Variants in STK10 observed in about 807,000 individuals in gnomAD.
STK10 encodes the protein serine/threonine kinase 10, also known as serine/threonine-protein kinase 10.
Under a neutral mutation model 113.8 loss-of-function variants are expected in STK10, and 78 were observed. The ratio of observed to expected loss-of-function variants is 0.69; its 90% CI spans 0.57 to 0.83. The LOEUF is 0.83. Ranked by LOEUF, STK10 falls within the 40% of genes least tolerant of loss-of-function variation. The pLI, the probability that STK10 is intolerant of heterozygous loss-of-function variation, is 0.00. For synonymous variants in STK10, 465 were observed against 494.7 expected, an observed-to-expected ratio of 0.94 and a Z score of 0.80; for missense variants, 1,109 against 1,280.1, an observed-to-expected ratio of 0.87 and a Z score of 2.04.
chr5:172,101,228 TG>T lies in STK10; in HGVS notation c.870+4427del, dbSNP rs1768982478. 4.6e-5 allele frequency among the ~76,000 whole-genome samples: 7 copies of T among 152,274 alleles called. No homozygotes were observed. The East Asian group carries it at 5.8e-4, about 13-fold the overall frequency. The stretch of plus-strand genomic sequence containing the variant: ...GCTCACGCCTGTAATCCCAGCACTT[TG>T]GGAGGCTGAGGCAAGCAGATCTCCC... On this transcript the variant is annotated intron_variant, in intron 7 of 18. Coordinates refer to ENST00000176763, the MANE Select transcript of STK10 (RefSeq NM_005990.4).
intron 1 of STK10, among the ~76,000 whole-genome samples, chr5:172,169,145 T>G (rs1770621355): frequency 6.6e-6 from 1 of 152,114 alleles, no homozygotes; most frequent in Admixed American, 6.6e-5. Context: ...TCATGACATC[T>G]TCCCCAGAAC....
At chr5:172,146,186 A>G (rs370510070) in intron 2 of STK10, among the ~76,000 whole-genome samples, 32 of 152,164 alleles carry the variant, frequency 2.1e-4, no homozygotes, top group African/African-American at 7.5e-4. Context: ...TCTGTGCCCC[A>G]GCACCTAAAC....
chr5:172,061,256 C>G lies in STK10; in HGVS notation c.2095G>C (p.Val699Leu). 1 of 1,612,714 alleles carries G rather than the reference C, an allele frequency of 6.2e-7. No individual in the cohort carries two copies. Among genetic ancestry groups the G allele is most frequent in the South Asian group, 1.1e-5 (1 of 91,022 alleles). The stretch of plus-strand genomic sequence containing the variant: ...TCCAGGTCCTCCTTCTGCTTGGCTA[C>G]AAAGTCCCGGTCCTGTGGGGAGAGA... ...QKKQLLDRDF[V>L]AKQKEDLELA... is the part of the protein sequence containing the mutation. The change falls in exon 14 of 19, where the codon GTA becomes CTA. Residue 699 changes from valine (V) to leucine (L), a missense_variant. Around this residue, in one of 5 missense-constraint regions of STK10, gnomAD observed 885 missense variants for 991.1 expected, o/e 0.89. Transcript: ENST00000176763.
At chr5:172,107,187 G>C (rs1049595166) in intron 5 of STK10, 1 of 203,660 alleles carries the variant, frequency 4.9e-6, no homozygotes, top group Admixed American at 5.6e-5. Flanking sequence ...GTATAAAAGG[G>C]GGGAGAGAGA....
rs1025789987 is a variant in STK10 at position 172,120,542 on chromosome 5, C to A, written c.371-2912G>T. ...AGCCTGCATGGGCTTCAGGACCACA[C>A]AGACCGAGGCCGTACCCAGGTGCTG... On this transcript the variant is annotated intron_variant, in intron 3 of 18. Transcript: ENST00000176763. This position sits in a 1 kb window ranked among gnomAD's most constrained non-coding sequence, Gnocchi z 4.0. 1.3e-5 allele frequency among the ~76,000 whole-genome samples: 2 copies of A among 152,212 alleles called. No homozygotes were observed. Among genetic ancestry groups the A allele is most frequent in the Admixed American group, 6.5e-5 (1 of 15,272 alleles).
intron 1 of STK10, among the ~76,000 whole-genome samples, chr5:172,183,035 C>A (rs1770891554): frequency 6.6e-6 from 1 of 151,856 alleles, no homozygotes; most frequent in African/African-American, 2.4e-5. Flanking sequence ...AGTGAGACCC[C>A]ATCTCTACAA....
chr5:172,148,773 G>C (rs1770142864), intron 2 of STK10, among the ~76,000 whole-genome samples: 1 of 152,254 alleles, frequency 6.6e-6, no homozygotes, highest in African/African-American at 2.4e-5. Flanking sequence ...GGGGGCAGGA[G>C]AGAAGGCTTT....
At chr5:172,150,954 G>A (rs1195223489) in intron 2 of STK10, among the ~76,000 whole-genome samples, 4 of 152,188 alleles carry the variant, frequency 2.6e-5, no homozygotes, top group South Asian at 2.1e-4. Flanking sequence ...GGCTGCTCGC[G>A]ACAGACCCCT....
At chr5:172,094,062 G>T in intron 8 of STK10, 102 bp from the exon 9 acceptor site, 1 of 931,186 alleles carries the variant, frequency 1.1e-6, no homozygotes, top group Admixed American at 3.8e-5. Context: ...AAGATGAAGT[G>T]GGCCAGCGCC....
At chr5:172,047,195 A>G (rs966019585) in intron 18 of STK10, among the ~76,000 whole-genome samples, 24 of 152,206 alleles carry the variant, frequency 1.6e-4, no homozygotes, top group African/African-American at 5.8e-4. Context: ...CAGAAACCCA[A>G]GCAGCTAATG....
rs73801856 is a variant in STK10, at chr5:172,101,974, G to C, written c.870+3682C>G. Among the ~76,000 whole-genome samples, 912 of 152,096 alleles carry C rather than the reference G, an allele frequency of 6.0e-3. 9 individuals are homozygous for C. The highest frequency in any genetic ancestry group is 0.021 in the African/African-American group (860 of 41,480). ...GCGATGGGGGTCAGCAGGGTGGGGG[G>C]GGCGGATCACACAGCACTCTAAGGG... On this transcript the variant is annotated intron_variant, in intron 7 of 18. Transcript: ENST00000176763.
chr5:172,078,618 TTAAAAAAAAA>T (rs1768361447), intron 12 of STK10, among the ~76,000 whole-genome samples: 1 of 53,478 alleles, frequency 1.9e-5, no homozygotes, highest in South Asian at 7.7e-4. Context: ...AGCCTCATCA[TTAAAAAAAAA>T]AAAAAAAAAA....
chr5:172,051,892 A>G (rs1158236277), intron 18 of STK10, among the ~76,000 whole-genome samples: 2 of 152,150 alleles, frequency 1.3e-5, no homozygotes. Context: ...TGGAGGAAGA[A>G]ATTGTGACAG....
chr5:172,095,787 G>C (rs535445530), intron 8 of STK10, among the ~76,000 whole-genome samples: 134 of 152,330 alleles, frequency 8.8e-4, no homozygotes, highest in African/African-American at 3.0e-3. Flanking sequence ...TAGGCACAGG[G>C]AGCCACCGGG....
chr5:172,170,250 A>C (rs1288353145), intron 1 of STK10, among the ~76,000 whole-genome samples: 1 of 152,068 alleles, frequency 6.6e-6, no homozygotes. Context: ...GGAAAGTGAT[A>C]AGAAGTCGAC....
At chr5:172,061,068 C>T in intron 14 of STK10, 71 bp downstream of exon 14, 1 of 1,505,262 alleles carries the variant, frequency 6.6e-7, no homozygotes, top group Non-Finnish European at 8.9e-7. Flanking sequence ...TGTTGCCCAC[C>T]CCACTTCCCA....
At chr5:172,063,212 C>T (rs552325576) in intron 13 of STK10, among the ~76,000 whole-genome samples, 34 of 151,488 alleles carry the variant, frequency 2.2e-4, no homozygotes, top group African/African-American at 7.3e-4. Context: ...ATCGTGCCAC[C>T]GCACTCCAGC....
intron 2 of STK10, among the ~76,000 whole-genome samples, chr5:172,134,758 A>AAAAAAAT (rs1769818679): frequency 6.6e-6 from 1 of 151,264 alleles, no homozygotes; most frequent in African/African-American, 2.4e-5. Context: ...AAAAAAAAAA[A>AAAAAAAT]AGGAAAAAAA....
chr5:172,131,370 G>T (rs1769754119), intron 2 of STK10, among the ~76,000 whole-genome samples: 1 of 152,138 alleles, frequency 6.6e-6, no homozygotes, highest in African/African-American at 2.4e-5. Context: ...TATGAGAAGT[G>T]ACCAAACCCA....
Sources: allele counts gnomAD v4.1 joint callset (sites outside exome capture counted in the v4.1 genomes callset), GRCh38; gene constraint gnomAD v4.1.1; regional missense constraint gnomAD v4.1.1; non-coding constraint Gnocchi (gnomAD v3.1); transcripts MANE v1.5; gene names NCBI Gene and HGNC (gene_info 2026-07-23, HGNC 2026-07-21).